RBMS3: variants seen among roughly 807,000 people sequenced by gnomAD.
RBMS3 encodes the protein RNA binding motif single stranded interacting protein 3.
RBMS3 carries 27 observed loss-of-function variants against 66.8 expected under a neutral mutation model. The observed-to-expected ratio is 0.40, with a 90% CI of 0.30 to 0.56. The LOEUF (loss-of-function observed/expected upper bound fraction) is 0.56. Ranked by LOEUF, RBMS3 falls within the 20% of genes least tolerant of loss-of-function variation. The probability of loss-of-function intolerance (pLI) is 0.40; values close to 1 mark genes in which losing one functional copy is unlikely to be tolerated. For missense variants in RBMS3, 513 were observed against 549.5 expected (o/e 0.93, Z 0.66); for synonymous variants, 188 against 183.0 (o/e 1.03, Z -0.22).
chr3:29,907,242 T>A (rs2060403203), intron 10 of RBMS3, among the ~76,000 whole-genome samples: 1 of 152,168 alleles, frequency 6.6e-6, no homozygotes, highest in South Asian at 2.1e-4. Flanking sequence ...ACCAGCTATC[T>A]TTCTGAATTC....
At chr3:29,634,620 C>T (rs766469116) in intron 4 of RBMS3, among the ~76,000 whole-genome samples, 23 of 151,912 alleles carry the variant, frequency 1.5e-4, no homozygotes, top group African/African-American at 2.9e-4. Context: ...CTTGATAATA[C>T]GCTCTTTATT....
intron 6 of RBMS3, among the ~76,000 whole-genome samples, chr3:29,777,832 TCA>T (rs1324640640): frequency 6.6e-6 from 1 of 151,868 alleles, no homozygotes; most frequent in Non-Finnish European, 1.5e-5. Flanking sequence ...TCATTTGAAA[TCA>T]CAGTTTTTGT....
chr3:29,447,960 G>A (rs1276583363), intron 2 of RBMS3, among the ~76,000 whole-genome samples: 1 of 152,122 alleles, frequency 6.6e-6, no homozygotes, highest in Non-Finnish European at 1.5e-5. Context: ...TCGTTTACCT[G>A]CAAAACTGAG....
intron 5 of RBMS3, among the ~76,000 whole-genome samples, chr3:29,757,833 T>C (rs2055493636): frequency 6.6e-6 from 1 of 152,210 alleles, no homozygotes; most frequent in Non-Finnish European, 1.5e-5. Flanking sequence ...ATATTACTAT[T>C]AACTAAACTC....
intron 1 of RBMS3, among the ~76,000 whole-genome samples, chr3:29,408,249 A>G (rs1236949962): frequency 7.3e-6 from 1 of 137,294 alleles, no homozygotes; most frequent in Non-Finnish European, 1.5e-5. Context: ...TCCAGCCTGG[A>G]TGACAGAGCG....
intron 1 of RBMS3, among the ~76,000 whole-genome samples, chr3:29,420,980 G>A (rs2040700247): frequency 6.7e-6 from 1 of 149,272 alleles, no homozygotes; most frequent in Non-Finnish European, 1.5e-5. Context: ...GGGCGTGGTG[G>A]CGGGCGCCTG....
Position 29,579,143 on chromosome 3 carries a change from C to G in RBMS3, c.308-7971C>G, listed in dbSNP as rs2047235455. 2.0e-5 allele frequency among the ~76,000 whole-genome samples: 3 copies of G among 152,190 alleles called. No homozygotes were observed. The South Asian group carries it at 6.2e-4, about 31-fold the overall frequency. On this transcript the variant is annotated intron_variant, in intron 3 of 14. Transcript: ENST00000383767. ...GGGGTTACCCCATATGTAGAATTCA[C>G]TTTTCTTCTTTTCTGCTCTGAACTA...
intron 2 of RBMS3, among the ~76,000 whole-genome samples, chr3:29,442,515 C>T (rs1375676971): frequency 4.6e-5 from 7 of 152,136 alleles, no homozygotes; most frequent in East Asian, 3.9e-4. Context: ...ACTTAGTTTA[C>T]GATCTTGATG....
chr3:29,541,630 T>C (rs2045764333), intron 3 of RBMS3, among the ~76,000 whole-genome samples: 1 of 152,188 alleles, frequency 6.6e-6, no homozygotes, highest in Non-Finnish European at 1.5e-5. Context: ...TTGCCCCTCT[T>C]CTTTTTCTTC....
chr3:29,873,830 A>T (rs1419659372), intron 7 of RBMS3, among the ~76,000 whole-genome samples: 2 of 152,182 alleles, frequency 1.3e-5, no homozygotes, highest in East Asian at 3.8e-4. Context: ...TCTTTTCTGT[A>T]TCATTTGAGA....
At chr3:29,799,148 C>G (rs934676011) in intron 6 of RBMS3, among the ~76,000 whole-genome samples, 10 of 152,014 alleles carry the variant, frequency 6.6e-5, no homozygotes, top group Admixed American at 3.9e-4. Flanking sequence ...TGGAGTTGAC[C>G]TAATGCTAAA....
At chr3:29,823,163 C>A (rs74693086) in intron 6 of RBMS3, among the ~76,000 whole-genome samples, 6,762 of 152,140 alleles carry the variant, frequency 0.044, 238 homozygotes, top group Admixed American at 0.084. Context: ...TACAGTAAGA[C>A]ACATTTTCAC....
chr3:29,407,061 G>C (rs1184078953), intron 1 of RBMS3, among the ~76,000 whole-genome samples: 1 of 152,160 alleles, frequency 6.6e-6, no homozygotes, highest in African/African-American at 2.4e-5. Flanking sequence ...GTTCTGACTT[G>C]ATGCAGAAGC....
At chr3:29,752,277 C>T (rs1002259621) in intron 5 of RBMS3, among the ~76,000 whole-genome samples, 11 of 152,092 alleles carry the variant, frequency 7.2e-5, no homozygotes, top group African/African-American at 2.7e-4. Flanking sequence ...TTTCTAATAT[C>T]CAGCTGGTTC....
At chr3:29,447,341 T>C (rs2041868466) in intron 2 of RBMS3, among the ~76,000 whole-genome samples, 1 of 152,222 alleles carries the variant, frequency 6.6e-6, no homozygotes, top group Non-Finnish European at 1.5e-5. Flanking sequence ...AATAGATAAA[T>C]TCAGATGCAT....
rs528207981 is a variant in RBMS3, at chr3:29,493,509, T to C, written c.307+5010T>C. On this transcript the variant is annotated intron_variant, in intron 3 of 14. Coordinates refer to ENST00000383767, the MANE Select transcript of RBMS3 (RefSeq NM_001003793.3). Reference sequence around the variant, plus strand: ...AATGTTTGACGATATCTCCTGTTACTTTTGTATAAAATACTGGCAATATCA... The same window carrying C: ...AATGTTTGACGATATCTCCTGTTACCTTTGTATAAAATACTGGCAATATCA... Among the ~76,000 whole-genome samples the C allele has an allele frequency of 3.3e-5, 5 of 152,350 alleles. No individual in the cohort carries two copies. In the South Asian group the frequency reaches 8.3e-4, roughly 25 times the overall value.
chr3:29,996,027 C>T (rs1699205174), intron 14 of RBMS3, among the ~76,000 whole-genome samples: 1 of 152,126 alleles, frequency 6.6e-6, no homozygotes, highest in South Asian at 2.1e-4. Context: ...AAACCCATCT[C>T]ACTTGCAGAG....
chr3:29,764,109 ACTTG>A lies in RBMS3; in HGVS notation c.637+1124_637+1127del, dbSNP rs1489243831. On this transcript the variant is annotated intron_variant, in intron 6 of 14. Coordinates refer to ENST00000383767, the MANE Select transcript of RBMS3 (RefSeq NM_001003793.3). ...TATTTTTGTGGAGGGTTTTGTAATGACTTGCTTTTTTTAAGGGGGGATGTCAAGA... is the reference window on the plus strand; with the variant it reads ...TATTTTTGTGGAGGGTTTTGTAATGACTTTTTTTAAGGGGGGATGTCAAGA... Among the ~76,000 whole-genome samples the A allele has an allele frequency of 6.6e-5, 8 of 121,030 alleles. No individual in the cohort carries two copies. In the South Asian group the frequency reaches 1.0e-3, roughly 16 times the overall value. The allele number at this position is 121,030 out of a possible 152,430, so 79.4% of individuals were successfully genotyped here.
At chr3:29,305,673 C>G (rs1352813033) in intron 1 of RBMS3, among the ~76,000 whole-genome samples, 2 of 151,960 alleles carry the variant, frequency 1.3e-5, no homozygotes, top group Non-Finnish European at 2.9e-5. Flanking sequence ...TTGGGATTTT[C>G]CTAGTGTTCC....
Sources: allele counts gnomAD v4.1 joint callset (sites outside exome capture counted in the v4.1 genomes callset), GRCh38; gene constraint gnomAD v4.1.1; transcripts MANE v1.5; gene names NCBI Gene and HGNC (gene_info 2026-07-23, HGNC 2026-07-21).